The following IMMP2L variants were observed in gnomAD, a reference collection of about 807,000 sequenced individuals.
The protein encoded by IMMP2L is inner mitochondrial membrane peptidase subunit 2.
A neutral mutation model predicts 19.3 loss-of-function variants in IMMP2L; 18 were observed. The observed-to-expected ratio is 0.93, with a 90% CI of 0.64 to 1.38. The LOEUF (loss-of-function observed/expected upper bound fraction) is 1.38. IMMP2L is among the 40% of genes most tolerant of loss of function. The pLI, the probability that IMMP2L is intolerant of heterozygous loss-of-function variation, is 0.00. For missense variants in IMMP2L, 233 were observed against 218.2 expected (o/e 1.07, Z -0.43); for synonymous variants, 76 against 73.0 (o/e 1.04, Z -0.21).
intron 3 of IMMP2L, among the ~76,000 whole-genome samples, chr7:111,249,892 G>C (rs775154777): frequency 1.3e-4 from 20 of 152,106 alleles, no homozygotes; most frequent in Non-Finnish European, 2.8e-4. Flanking sequence ...CACAGTATTG[G>C]AAGTTCTGGC....
At chr7:111,372,440 T>C (rs1015531871) in intron 3 of IMMP2L, among the ~76,000 whole-genome samples, 1 of 151,922 alleles carries the variant, frequency 6.6e-6, no homozygotes, top group Non-Finnish European at 1.5e-5. Context: ...ATGATAAATA[T>C]TCCTTCACCC....
At chr7:110,786,540 C>T (rs1208030104) in intron 5 of IMMP2L, among the ~76,000 whole-genome samples, 1 of 151,952 alleles carries the variant, frequency 6.6e-6, no homozygotes, top group African/African-American at 2.4e-5. Flanking sequence ...CACTCACGTA[C>T]CAGCCCTTCA....
At chr7:111,029,476 A>T (rs576889660) in intron 3 of IMMP2L, among the ~76,000 whole-genome samples, 1 of 152,198 alleles carries the variant, frequency 6.6e-6, no homozygotes, top group Non-Finnish European at 1.5e-5. Context: ...AGATACAGGT[A>T]GCTATTTCTT....
intron 5 of IMMP2L, among the ~76,000 whole-genome samples, chr7:110,756,879 C>A (rs1016452965): frequency 6.6e-6 from 1 of 152,018 alleles, no homozygotes; most frequent in Non-Finnish European, 1.5e-5. Flanking sequence ...GGAAAGGGAA[C>A]CCACTCAGTA....
intron 3 of IMMP2L, among the ~76,000 whole-genome samples, chr7:111,468,751 A>G (rs1395172310): frequency 1.3e-5 from 2 of 152,148 alleles, no homozygotes; most frequent in African/African-American, 4.8e-5. Context: ...GTAAATGGAG[A>G]AAAGAAAAAT....
At chr7:111,212,260 T>A (rs1041003895) in intron 3 of IMMP2L, among the ~76,000 whole-genome samples, 2 of 152,014 alleles carry the variant, frequency 1.3e-5, no homozygotes, top group African/African-American at 4.8e-5. Flanking sequence ...TTTTATAAAA[T>A]AATAGTTCAT....
At chr7:111,192,853 C>T (rs1809042076) in intron 3 of IMMP2L, among the ~76,000 whole-genome samples, 1 of 152,042 alleles carries the variant, frequency 6.6e-6, no homozygotes, top group Admixed American at 6.6e-5. Context: ...AAACAAATTA[C>T]AGAGGCAAGA....
intron 3 of IMMP2L, among the ~76,000 whole-genome samples, chr7:111,462,190 T>C (rs1840194722): frequency 6.6e-6 from 1 of 152,076 alleles, no homozygotes; most frequent in East Asian, 1.9e-4. Context: ...GAGCAACTTA[T>C]TATGTACACA....
At chr7:111,288,009 C>A (rs1017439104) in intron 3 of IMMP2L, among the ~76,000 whole-genome samples, 2 of 152,156 alleles carry the variant, frequency 1.3e-5, no homozygotes, top group Non-Finnish European at 2.9e-5. Context: ...AGGTAAACAT[C>A]AAAAATTACC....
At chr7:111,463,169 C>A (rs1057038331) in intron 3 of IMMP2L, among the ~76,000 whole-genome samples, 2 of 151,336 alleles carry the variant, frequency 1.3e-5, no homozygotes, top group Admixed American at 1.3e-4. Flanking sequence ...CTCTTCACAT[C>A]ATCTTCCGTG....
At chr7:111,483,482 G>A (rs1369646200) in intron 3 of IMMP2L, 2 of 152,024 alleles carry the variant, frequency 1.3e-5, no homozygotes, top group African/African-American at 4.8e-5. Flanking sequence ...ATCATATTTT[G>A]TGCAACCAAT....
intron 5 of IMMP2L, among the ~76,000 whole-genome samples, chr7:110,847,254 G>T (rs1805757232): frequency 6.6e-6 from 1 of 152,058 alleles, no homozygotes; most frequent in African/African-American, 2.4e-5. Context: ...CATTGAAAAG[G>T]TTTGCTGAAA....
At chr7:110,843,187 T>C (rs557994427) in intron 5 of IMMP2L, among the ~76,000 whole-genome samples, 1 of 152,314 alleles carries the variant, frequency 6.6e-6, no homozygotes, top group South Asian at 2.1e-4. Flanking sequence ...CCAAGCCTTA[T>C]AGTAAATGTT....
chr7:111,111,947 T>G (rs1238736895), intron 3 of IMMP2L, among the ~76,000 whole-genome samples: 12 of 131,278 alleles, frequency 9.1e-5, no homozygotes, highest in African/African-American at 2.9e-4. Context: ...AGTTTGTTTT[T>G]TTTTTTTTTT....
chr7:110,814,148 G>A (rs1318236927), intron 5 of IMMP2L, among the ~76,000 whole-genome samples: 1 of 151,892 alleles, frequency 6.6e-6, no homozygotes, highest in Non-Finnish European at 1.5e-5. Flanking sequence ...ATTGTTTTCA[G>A]GAGCAGTTCT....
intron 3 of IMMP2L, among the ~76,000 whole-genome samples, chr7:111,036,951 T>C (rs1791416647): frequency 6.6e-6 from 1 of 152,190 alleles, no homozygotes; most frequent in Admixed American, 6.5e-5. Flanking sequence ...TCAAGTGATA[T>C]AATGTTTTGC....
intron 3 of IMMP2L, among the ~76,000 whole-genome samples, chr7:111,179,633 C>T (rs1392899031): frequency 6.6e-6 from 1 of 152,044 alleles, no homozygotes; most frequent in East Asian, 1.9e-4. Flanking sequence ...AAGTCATCAG[C>T]TACATTCGCT....
chr7:111,398,427 T>C (rs1256250867), intron 3 of IMMP2L, among the ~76,000 whole-genome samples: 2 of 152,036 alleles, frequency 1.3e-5, no homozygotes, highest in Non-Finnish European at 2.9e-5. Context: ...CCAGCATCCG[T>C]TTATGATTAA....
At chr7:110,950,516 G>C (rs370614199) in intron 4 of IMMP2L, among the ~76,000 whole-genome samples, 3 of 151,930 alleles carry the variant, frequency 2.0e-5, no homozygotes, top group East Asian at 3.9e-4. Flanking sequence ...ACACTATGGA[G>C]GTTCTTCAAA....
Sources: allele counts gnomAD v4.1 joint callset (sites outside exome capture counted in the v4.1 genomes callset), GRCh38; gene constraint gnomAD v4.1.1; transcripts MANE v1.5; gene names NCBI Gene and HGNC (gene_info 2026-07-23, HGNC 2026-07-21).